RGCC: variants seen among roughly 807,000 people sequenced by gnomAD.
RGCC encodes the protein regulator of cell cycle, also known as regulator of cell cycle RGCC.
RGCC carries 15 observed loss-of-function variants against 15.4 expected under a neutral mutation model. That is an observed-to-expected ratio of 0.97 (90% CI 0.65 to 1.50). The LOEUF is 1.50. RGCC is among the 40% of genes most tolerant of loss of function. RGCC has a pLI of 0.00. For missense variants in RGCC, 176 were observed against 189.7 expected, an observed-to-expected ratio of 0.93 and a Z score of 0.42; for synonymous variants, 81 against 78.0, an observed-to-expected ratio of 1.04 and a Z score of -0.20.
At position 41,466,888 on chromosome 13, in the gene RGCC, T is replaced by G. The variant is rs2043852046; in HGVS notation, c.301T>G (p.Ser101Ala). Residue 101 changes from serine to alanine, a missense_variant, in exon 3 of 5, where the codon TCT becomes GCT. Coordinates refer to ENST00000379359, the MANE Select transcript of RGCC (RefSeq NM_014059.3). ...TGAAAAACTGAATTCTCCAACAGAC[T>G]CTACCCCAGCTCTTCTCTCTGCCAC... ...SDEKLNSPTD[S>A]TPALLSATVT... is the part of the protein sequence containing the mutation. The G allele has an allele frequency of 1.9e-6, 3 of 1,613,828 alleles. No individual in the cohort carries two copies. Among genetic ancestry groups the G allele is most frequent in the Non-Finnish European group, 2.5e-6 (3 of 1,179,824 alleles).
intron 3 of RGCC, among the ~76,000 whole-genome samples, chr13:41,467,596 A>G (rs1446954459): frequency 6.6e-6 from 1 of 152,258 alleles, no homozygotes; most frequent in East Asian, 1.9e-4. Context: ...AAGAAAAGTT[A>G]TACTTGCTGA....
chr13:41,462,263 C>T (rs180750757), intron 2 of RGCC, among the ~76,000 whole-genome samples: 251 of 152,260 alleles, frequency 1.6e-3, no homozygotes, highest in African/African-American at 5.8e-3. Flanking sequence ...CGTTGACATG[C>T]GCTAACCCTA....
rs369838136 is a variant in RGCC at position 41,457,576 on chromosome 13, C to G, written c.-132C>G. 696 of 1,384,720 alleles carry G rather than the reference C, an allele frequency of 5.0e-4. 10 individuals are homozygous for G. The South Asian group carries it at 9.9e-3, about 20-fold the overall frequency. 85.8% of individuals were successfully genotyped at this position (1,384,720 alleles called of 1,614,324 possible). On this transcript the variant is annotated 5_prime_UTR_variant, in exon 1 of 5. Transcript: ENST00000379359. This position sits in a 1 kb window ranked among gnomAD's most constrained non-coding sequence, Gnocchi z 4.9. ...GGGCGGGCGCGGACCGTGCTGGGAG[C>G]GGCGCGGCTGGAGCGCAGCGCCGAA...
intron 2 of RGCC, among the ~76,000 whole-genome samples, chr13:41,462,891 G>T (rs1427301172): frequency 6.6e-6 from 1 of 152,152 alleles, no homozygotes; most frequent in African/African-American, 2.4e-5. Context: ...CCTCTATGTT[G>T]AGAGTTTGTT....
Position 41,457,790 on chromosome 13 carries a change from C to A in RGCC, c.49+34C>A, listed in dbSNP as rs535025035. 15 of 1,368,586 alleles carry A rather than the reference C, an allele frequency of 1.1e-5. No individual in the cohort carries two copies. The African/African-American group carries it at 2.2e-4, about 20-fold the overall frequency. The allele number at this position is 1,368,586 out of a possible 1,614,324, so 84.8% of individuals were successfully genotyped here. On this transcript the variant is annotated intron_variant, in intron 1 of 4. Coordinates refer to ENST00000379359, the MANE Select transcript of RGCC (RefSeq NM_014059.3). The surrounding 1 kb of genome is among the most constrained non-coding windows in gnomAD (Gnocchi z 4.9). ...GGGGTCCGGGGTCCCCTTAAAGTCT[C>A]GGCTCTGCAGATGGCGGGTGAGAAA...
intron 2 of RGCC, among the ~76,000 whole-genome samples, chr13:41,466,228 CACAT>C (rs887646552): frequency 3.3e-5 from 5 of 150,636 alleles, no homozygotes; most frequent in African/African-American, 1.2e-4. Context: ...TTCTCACACA[CACAT>C]ATTCTCACAC....
chr13:41,466,714 G>C (rs1416627055), intron 2 of RGCC, 109 bp from the exon 3 acceptor site: 2 of 782,348 alleles, frequency 2.6e-6, no homozygotes, highest in Non-Finnish European at 4.3e-6. Flanking sequence ...TAGAGTTGCA[G>C]CTTTGGCTTA....
chr13:41,460,750 T>C (rs1593575709), intron 2 of RGCC, among the ~76,000 whole-genome samples: 2 of 152,238 alleles, frequency 1.3e-5, no homozygotes, highest in Admixed American at 1.3e-4. Context: ...ATTTGCTCTG[T>C]TGAATACTTT....
chr13:41,460,351 G>T (rs2043815250), intron 2 of RGCC, among the ~76,000 whole-genome samples: 2 of 152,348 alleles, frequency 1.3e-5, no homozygotes, highest in South Asian at 4.1e-4. Context: ...ATCCTCGTTT[G>T]TCTGTTTAAT....
In RGCC at chr13:41,466,804, A is replaced by C. The variant is rs1209993406; in HGVS notation, c.236-19A>C. On this transcript the variant is annotated intron_variant, in intron 2 of 4. Coordinates refer to ENST00000379359, the MANE Select transcript of RGCC (RefSeq NM_014059.3). ...CTCATGAGTACTATTTCTAATGAGT[A>C]TATTTTCCTTCCTGAAAGGTGCAGA... 6.6e-7 allele frequency: 1 copy of C among 1,518,916 alleles called. No individual in the cohort carries two copies. The highest frequency in any genetic ancestry group is 9.1e-7 in the Non-Finnish European group (1 of 1,093,528). The allele number at this position is 1,518,916 out of a possible 1,614,324, so 94.1% of individuals were successfully genotyped here.
chr13:41,466,905 C>G lies in RGCC; in HGVS notation c.318C>G (p.Leu106=), dbSNP rs768351515. The change falls in exon 3 of 5, where the codon CTC becomes CTG. Residue 106 remains leucine, a synonymous_variant. Transcript: ENST00000379359. ...CAACAGACTCTACCCCAGCTCTTCT[C>G]TCTGCCACTGTCACTCCTCAGAAAG... The part of the protein sequence containing the change: ...NSPTDSTPAL[L]SATVTPQKAK... 1.2e-6 allele frequency: 2 copies of G among 1,613,528 alleles called. No individual in the cohort carries two copies. Among genetic ancestry groups the G allele is most frequent in the South Asian group, 1.1e-5 (1 of 91,068 alleles).
At chr13:41,459,798 C>T (rs1266755914) in intron 2 of RGCC, among the ~76,000 whole-genome samples, 1 of 152,212 alleles carries the variant, frequency 6.6e-6, no homozygotes. Flanking sequence ...AAATATGTCT[C>T]CTCCTACTGG....
chr13:41,469,264 G>GTAATAATAA lies in RGCC; in HGVS notation c.406+451_406+459dup, dbSNP rs767884291. Among the ~76,000 whole-genome samples, 720 of 136,572 alleles carry GTAATAATAA rather than the reference G, an allele frequency of 5.3e-3. 9 individuals carry two copies. The highest frequency in any genetic ancestry group is 0.02 in the African/African-American group (679 of 34,696). 89.6% of individuals were successfully genotyped at this position (136,572 alleles called of 152,430 possible). A position where few individuals can be genotyped will look rare whatever the true frequency, so the allele number is the denominator to read the frequency against. ...GACAGAGCAAGACTCCGTCAAAATA[G>GTAATAATAA]TAATAATAATAATAATAATAATAAT... is the stretch of plus-strand genomic sequence containing the variant. On this transcript the variant is annotated intron_variant, in intron 4 of 4. Coordinates refer to ENST00000379359, the MANE Select transcript of RGCC (RefSeq NM_014059.3).
Position 41,458,236 on chromosome 13 carries a change from C to A in RGCC, c.50-49C>A. 6.8e-7 allele frequency: 1 copy of A among 1,464,744 alleles called. No homozygotes were observed. Among genetic ancestry groups the A allele is most frequent in the Non-Finnish European group, 9.1e-7 (1 of 1,094,686 alleles). 90.7% of individuals were successfully genotyped at this position (1,464,744 alleles called of 1,614,324 possible). On this transcript the variant is annotated intron_variant, in intron 1 of 4. Coordinates refer to ENST00000379359, the MANE Select transcript of RGCC (RefSeq NM_014059.3). The surrounding 1 kb of genome is among the most constrained non-coding windows in gnomAD (Gnocchi z 4.4). ...CCCCTCCTGGCCCTGGGAGGTGGTC[C>A]CGCTGCCCCCCTGACTTCCGTGCAC...
intron 4 of RGCC, 68 bp from the exon 5 acceptor site, chr13:41,470,410 T>C (rs1316880175): frequency 1.9e-5 from 28 of 1,487,118 alleles, no homozygotes; most frequent in Non-Finnish European, 2.5e-5. Flanking sequence ...TCTGAGACAG[T>C]GTGATGTGGT....
intron 2 of RGCC, among the ~76,000 whole-genome samples, chr13:41,465,190 C>T (rs1384017198): frequency 2.6e-5 from 4 of 152,134 alleles, no homozygotes; most frequent in Non-Finnish European, 4.4e-5. Context: ...GGAAGAATCC[C>T]GAGGAGGCGG....
chr13:41,463,751 G>A (rs542503704), intron 2 of RGCC, among the ~76,000 whole-genome samples: 5 of 152,176 alleles, frequency 3.3e-5, no homozygotes, highest in Non-Finnish European at 5.9e-5. Flanking sequence ...CTGGATCTAC[G>A]GCTCATTCTC....
chr13:41,464,797 C>T (rs2043839433), intron 2 of RGCC, among the ~76,000 whole-genome samples: 2 of 152,240 alleles, frequency 1.3e-5, no homozygotes, highest in Non-Finnish European at 2.9e-5. Flanking sequence ...CCTCAAAGCC[C>T]AGTGATGGTG....
Position 41,469,280 on chromosome 13 carries a change from T to TAAG in RGCC, c.406+444_406+445insGAA, listed in dbSNP as rs1413539061. ...GTCAAAATAGTAATAATAATAATAA[T>TAAG]AATAATAATAATAATAAGAAGAAGA... On this transcript the variant is annotated intron_variant, in intron 4 of 4. Transcript: ENST00000379359. 7.1e-5 allele frequency among the ~76,000 whole-genome samples: 8 copies of TAAG among 112,690 alleles called. No individual in the cohort carries two copies. The East Asian group carries it at 7.6e-4, about 11-fold the overall frequency. 73.9% of individuals were successfully genotyped at this position (112,690 alleles called of 152,430 possible). A position where few individuals can be genotyped will look rare whatever the true frequency, so the allele number is the denominator to read the frequency against.
Sources: gnomAD v4.1 joint callset for allele counts (sites outside exome capture counted in the v4.1 genomes callset) on GRCh38, gnomAD v4.1.1 for gene constraint, Gnocchi (gnomAD v3.1) non-coding constraint, MANE v1.5 for transcripts, NCBI Gene and HGNC (gene_info 2026-07-23, HGNC 2026-07-21) for gene names.